The following SEMA6D variants were observed in gnomAD, a reference collection of about 807,000 sequenced individuals.
SEMA6D encodes the protein semaphorin-6D.
A neutral mutation model predicts 106.6 loss-of-function variants in SEMA6D; 35 were observed. The observed-to-expected ratio is 0.33, with a 90% CI of 0.25 to 0.44. The LOEUF (loss-of-function observed/expected upper bound fraction) is 0.44, where lower values mean the gene tolerates loss of function less well. SEMA6D is among the 20% of genes least tolerant of loss of function. SEMA6D has a pLI of 1.00. For synonymous variants in SEMA6D, 499 were observed against 487.7 expected (o/e 1.02, Z -0.31); for missense variants, 1,185 against 1,345.9 (o/e 0.88, Z 1.87).
intron 4 of SEMA6D, among the ~76,000 whole-genome samples, chr15:47,637,893 C>T (rs1489390290): frequency 2.6e-5 from 4 of 152,148 alleles, no homozygotes; most frequent in Admixed American, 6.5e-5. Context: ...CCCCAGACAA[C>T]ACATAAATCA....
At chr15:47,328,480 C>G (rs1462396099) in intron 1 of SEMA6D, among the ~76,000 whole-genome samples, 1 of 152,194 alleles carries the variant, frequency 6.6e-6, no homozygotes, top group Admixed American at 6.5e-5. Flanking sequence ...CCTGATGGAG[C>G]TTGAAGGCAT....
At chr15:47,538,070 A>G (rs1455325944) in intron 3 of SEMA6D, among the ~76,000 whole-genome samples, 1 of 152,176 alleles carries the variant, frequency 6.6e-6, no homozygotes, top group East Asian at 1.9e-4. Flanking sequence ...TCAAAGCTTG[A>G]GAGCATTACA....
chr15:47,565,085 G>T (rs77612215), intron 3 of SEMA6D, among the ~76,000 whole-genome samples: 1 of 152,114 alleles, frequency 6.6e-6, no homozygotes, highest in Non-Finnish European at 1.5e-5. Flanking sequence ...CCTGGATGCC[G>T]GACAAAAGTT....
intron 1 of SEMA6D, among the ~76,000 whole-genome samples, chr15:47,264,253 C>G (rs1457737645): frequency 6.6e-6 from 1 of 151,828 alleles, no homozygotes; most frequent in African/African-American, 2.4e-5. Flanking sequence ...GGCTTAATAT[C>G]TGGGTGATGA....
At chr15:47,578,527 T>C (rs757992193) in intron 3 of SEMA6D, among the ~76,000 whole-genome samples, 3 of 152,218 alleles carry the variant, frequency 2.0e-5, no homozygotes, top group Non-Finnish European at 4.4e-5. Context: ...ATGATCTATG[T>C]ATAATAGAAA....
intron 1 of SEMA6D, among the ~76,000 whole-genome samples, chr15:47,327,906 GT>G (rs528570721): frequency 1.3e-5 from 2 of 152,194 alleles, no homozygotes; most frequent in African/African-American, 2.4e-5. Flanking sequence ...ACTATTAATA[GT>G]TTTTTTCATT....
At chr15:47,754,897 G>T (rs1008551460) in intron 1 of SEMA6D, among the ~76,000 whole-genome samples, 1 of 149,862 alleles carries the variant, frequency 6.7e-6, no homozygotes. Context: ...TGACAAATAT[G>T]TTGCTAAACA....
At chr15:47,196,215 G>A (rs905728663) in intron 1 of SEMA6D, among the ~76,000 whole-genome samples, 2 of 152,052 alleles carry the variant, frequency 1.3e-5, no homozygotes, top group African/African-American at 2.4e-5. Flanking sequence ...TCAGTTCTTG[G>A]ACATCCCTAA....
intron 1 of SEMA6D, among the ~76,000 whole-genome samples, chr15:47,321,813 A>G (rs1407784519): frequency 2.0e-5 from 3 of 152,046 alleles, no homozygotes; most frequent in African/African-American, 7.2e-5. Flanking sequence ...GTCCTGTTCT[A>G]TTGGGCTATT....
intron 4 of SEMA6D, among the ~76,000 whole-genome samples, chr15:47,696,952 G>A (rs748852684): frequency 2.3e-4 from 35 of 152,212 alleles, no homozygotes; most frequent in African/African-American, 5.8e-4. Context: ...TCATTCTTGC[G>A]GTTGTTGTCA....
intron 3 of SEMA6D, among the ~76,000 whole-genome samples, chr15:47,586,318 G>A (rs1446465908): frequency 6.6e-6 from 1 of 152,180 alleles, no homozygotes; most frequent in Non-Finnish European, 1.5e-5. Context: ...GAAGATGAGA[G>A]CCAGCACTTT....
chr15:47,757,584 G>T (rs1178425725), intron 1 of SEMA6D, among the ~76,000 whole-genome samples: 1 of 152,188 alleles, frequency 6.6e-6, no homozygotes, highest in African/African-American at 2.4e-5. Context: ...CATTGCGGTT[G>T]TTGAGGTAGG....
intron 2 of SEMA6D, among the ~76,000 whole-genome samples, chr15:47,442,676 T>C (rs183824175): frequency 8.1e-4 from 124 of 152,252 alleles, no homozygotes; most frequent in Admixed American, 2.2e-3. Flanking sequence ...TGGAAAGTGC[T>C]ATACAAGTCC....
chr15:47,625,598 G>A (rs1042051198), intron 4 of SEMA6D, among the ~76,000 whole-genome samples: 1 of 151,994 alleles, frequency 6.6e-6, no homozygotes, highest in African/African-American at 2.4e-5. Context: ...AGCCAGGCAT[G>A]GTGGCGTGTA....
intron 4 of SEMA6D, among the ~76,000 whole-genome samples, chr15:47,611,849 T>C (rs1246786974): frequency 6.6e-6 from 1 of 152,166 alleles, no homozygotes; most frequent in African/African-American, 2.4e-5. Context: ...TTGATTAAGC[T>C]GAAACAAAGT....
intron 4 of SEMA6D, among the ~76,000 whole-genome samples, chr15:47,677,575 A>T (rs1443916889): frequency 6.6e-6 from 1 of 152,226 alleles, no homozygotes. Context: ...TCTTTGAAAA[A>T]GGCAGTTTGC....
intron 2 of SEMA6D, among the ~76,000 whole-genome samples, chr15:47,462,473 T>C (rs1274898081): frequency 1.3e-5 from 2 of 152,176 alleles, no homozygotes; most frequent in Admixed American, 6.5e-5. Flanking sequence ...GGTTTTTTTT[T>C]AGGAAACTGA....
intron 2 of SEMA6D, among the ~76,000 whole-genome samples, chr15:47,458,408 C>T (rs1421312647): frequency 6.6e-6 from 1 of 151,898 alleles, no homozygotes; most frequent in Non-Finnish European, 1.5e-5. Context: ...CAAAAATACA[C>T]ATTATTTTCA....
intron 2 of SEMA6D, among the ~76,000 whole-genome samples, chr15:47,453,996 A>C (rs1212571328): frequency 6.6e-6 from 1 of 151,894 alleles, no homozygotes; most frequent in Non-Finnish European, 1.5e-5. Context: ...TCATGAGACT[A>C]AAAAATGATC....
Sources: gnomAD v4.1 joint callset for allele counts (sites outside exome capture counted in the v4.1 genomes callset) on GRCh38, gnomAD v4.1.1 for gene constraint, MANE v1.5 for transcripts, NCBI Gene and HGNC (gene_info 2026-07-23, HGNC 2026-07-21) for gene names.